The following NKAIN3 variants were observed in gnomAD, a reference collection of about 807,000 sequenced individuals.
NKAIN3 encodes the protein sodium/potassium-transporting ATPase subunit beta-1-interacting protein 3.
A neutral mutation model predicts 30.2 loss-of-function variants in NKAIN3; 25 were observed. The observed-to-expected ratio is 0.83, with a 90% confidence interval of 0.60 to 1.16. The LOEUF is 1.16. Among genes scored for constraint, NKAIN3 ranks in the 50% most tolerant of loss-of-function variants. NKAIN3 has a pLI of 0.00. For synonymous variants in NKAIN3, 91 were observed against 89.6 expected (o/e 1.02, Z -0.09); for missense variants, 225 against 254.1 (o/e 0.89, Z 0.78).
At chr8:62,376,628 A>T (rs1314831217) in intron 1 of NKAIN3, among the ~76,000 whole-genome samples, 1 of 152,208 alleles carries the variant, frequency 6.6e-6, no homozygotes, top group East Asian at 1.9e-4. Flanking sequence ...CTAGGTACTG[A>T]TCTCAGTTCC....
At chr8:62,577,430 A>T (rs1810145468) in intron 1 of NKAIN3, among the ~76,000 whole-genome samples, 1 of 150,604 alleles carries the variant, frequency 6.6e-6, no homozygotes, top group South Asian at 2.1e-4. Context: ...TTTGTCATGC[A>T]CAACTGCTTT....
At chr8:62,921,178 A>G (rs1822265137) in intron 5 of NKAIN3, among the ~76,000 whole-genome samples, 1 of 152,224 alleles carries the variant, frequency 6.6e-6, no homozygotes, top group Admixed American at 6.5e-5. Flanking sequence ...CACATAAAAT[A>G]AGTAAACAAT....
chr8:62,856,756 C>T (rs1820070648), intron 4 of NKAIN3: 1 of 675,314 alleles, frequency 1.5e-6, no homozygotes, highest in Non-Finnish European at 2.7e-6. Flanking sequence ...ATTTATTTTG[C>T]ACCTGGCTTA....
intron 1 of NKAIN3, among the ~76,000 whole-genome samples, chr8:62,533,426 GTA>G (rs1266091870): frequency 2.0e-5 from 3 of 152,216 alleles, no homozygotes; most frequent in African/African-American, 7.2e-5. Context: ...TCTCCTAAAT[GTA>G]TAGTTTCGCC....
chr8:62,387,243 G>A (rs1817457450), intron 1 of NKAIN3, among the ~76,000 whole-genome samples: 1 of 151,920 alleles, frequency 6.6e-6, no homozygotes. Flanking sequence ...TGGGAGCGTG[G>A]GCCACATGGT....
chr8:62,874,256 A>T (rs1412153925), intron 4 of NKAIN3, among the ~76,000 whole-genome samples: 1 of 152,194 alleles, frequency 6.6e-6, no homozygotes, highest in Non-Finnish European at 1.5e-5. Flanking sequence ...TCCTGGATGC[A>T]TACACACTAC....
intron 1 of NKAIN3, among the ~76,000 whole-genome samples, chr8:62,416,925 G>T (rs1563389433): frequency 6.6e-6 from 1 of 151,840 alleles, no homozygotes; most frequent in Non-Finnish European, 1.5e-5. Flanking sequence ...CTGGGAGGCG[G>T]AGGCTGCAGT....
At chr8:62,912,977 C>G (rs1339950172) in intron 4 of NKAIN3, among the ~76,000 whole-genome samples, 1 of 152,120 alleles carries the variant, frequency 6.6e-6, no homozygotes, top group Non-Finnish European at 1.5e-5. Flanking sequence ...TCATCAGTGT[C>G]ACTGGGATCA....
intron 4 of NKAIN3, among the ~76,000 whole-genome samples, chr8:62,907,443 A>G (rs975732716): frequency 2.6e-5 from 4 of 152,348 alleles, no homozygotes; most frequent in South Asian, 4.1e-4. Flanking sequence ...AGAAATTTGT[A>G]TAGAAGCCAA....
chr8:62,379,951 A>G (rs1479772097), intron 1 of NKAIN3, among the ~76,000 whole-genome samples: 1 of 152,202 alleles, frequency 6.6e-6, no homozygotes, highest in Non-Finnish European at 1.5e-5. Context: ...AGCAGGTGAC[A>G]GAGCTGGTAT....
At chr8:62,770,470 C>T (rs1218879669) in intron 4 of NKAIN3, among the ~76,000 whole-genome samples, 1 of 152,188 alleles carries the variant, frequency 6.6e-6, no homozygotes, top group African/African-American at 2.4e-5. Flanking sequence ...TCCAGTGTCT[C>T]ATGGGGGCCT....
intron 1 of NKAIN3, among the ~76,000 whole-genome samples, chr8:62,442,524 A>G (rs916501018): frequency 6.6e-6 from 1 of 151,796 alleles, no homozygotes; most frequent in Non-Finnish European, 1.5e-5. Flanking sequence ...AACTTTTAGT[A>G]TTTTCAAATA....
At chr8:62,880,293 C>A (rs1224914164) in intron 4 of NKAIN3, among the ~76,000 whole-genome samples, 20 of 152,172 alleles carry the variant, frequency 1.3e-4, no homozygotes, top group Non-Finnish European at 1.5e-5. Flanking sequence ...CCAAACCCAT[C>A]TCTCAGTGAA....
intron 1 of NKAIN3, among the ~76,000 whole-genome samples, chr8:62,559,222 T>A (rs1809494659): frequency 6.6e-6 from 1 of 152,032 alleles, no homozygotes; most frequent in African/African-American, 2.4e-5. Context: ...ATACTTTTTT[T>A]TATATTAATA....
chr8:62,779,814 G>A (rs1817301961), intron 4 of NKAIN3, among the ~76,000 whole-genome samples: 2 of 151,664 alleles, frequency 1.3e-5, no homozygotes, highest in South Asian at 4.2e-4. Context: ...GTGGTAAAAG[G>A]GAAATTTATA....
chr8:62,314,889 CTGTGA>C (rs1451305277), intron 1 of NKAIN3, among the ~76,000 whole-genome samples: 2 of 152,096 alleles, frequency 1.3e-5, no homozygotes. Flanking sequence ...TAATATTCTC[CTGTGA>C]AGAAAAACTG....
intron 1 of NKAIN3, among the ~76,000 whole-genome samples, chr8:62,273,927 A>G (rs1812850178): frequency 6.6e-6 from 1 of 152,194 alleles, no homozygotes; most frequent in South Asian, 2.1e-4. Flanking sequence ...CCTGAAGACA[A>G]TCTGGGCCAG....
chr8:62,790,401 C>G (rs1286966554), intron 4 of NKAIN3, among the ~76,000 whole-genome samples: 1 of 152,102 alleles, frequency 6.6e-6, no homozygotes, highest in Non-Finnish European at 1.5e-5. Flanking sequence ...AAAACTGGCA[C>G]AAGACAGGGA....
chr8:62,587,649 A>G (rs1284488990), intron 2 of NKAIN3, among the ~76,000 whole-genome samples: 1 of 151,998 alleles, frequency 6.6e-6, no homozygotes, highest in Non-Finnish European at 1.5e-5. Context: ...CTCTGACACT[A>G]AATAGGTGAT....
Sources: allele counts gnomAD v4.1 joint callset (sites outside exome capture counted in the v4.1 genomes callset), GRCh38; gene constraint gnomAD v4.1.1; transcripts MANE v1.5; gene names NCBI Gene and HGNC (gene_info 2026-07-23, HGNC 2026-07-21).